SP3: variants seen among roughly 807,000 people sequenced by gnomAD.
SP3 encodes the protein Sp3 transcription factor.
In SP3, 10 loss-of-function variants were observed where a neutral mutation model predicts 70.3. The observed-to-expected ratio is 0.14, with a 90% CI of 0.09 to 0.24. The LOEUF (loss-of-function observed/expected upper bound fraction) is 0.24, where lower values mean the gene tolerates loss of function less well. Ranked by LOEUF, SP3 falls within the 10% of genes least tolerant of loss-of-function variation. SP3 has a pLI of 1.00. For missense variants in SP3, 825 were observed against 914.6 expected, an observed-to-expected ratio of 0.90 and a Z score of 1.26; for synonymous variants, 402 against 333.5, an observed-to-expected ratio of 1.21 and a Z score of -2.24.
intron 4 of SP3, among the ~76,000 whole-genome samples, chr2:173,931,388 G>A (rs923219939): frequency 6.6e-6 from 1 of 152,064 alleles, no homozygotes; most frequent in Non-Finnish European, 1.5e-5. Context: ...CTGTTTCCCA[G>A]GCTGGAGTGC....
At position 173,954,939 on chromosome 2, in the gene SP3, T is replaced by C. The variant is rs1275953055; in HGVS notation, c.1573A>G (p.Thr525Ala). The C allele has an allele frequency of 6.2e-7, 1 of 1,614,202 alleles. No homozygotes were observed. The highest frequency in any genetic ancestry group is 1.7e-5 in the Admixed American group (1 of 60,022). Reference sequence around the variant, plus strand: ...CCAGCAGAATCTATAGAGTTCACTGTAACTGTTTGTAGATTTGGCAACTGA... The same window carrying C: ...CCAGCAGAATCTATAGAGTTCACTGCAACTGTTTGTAGATTTGGCAACTGA... ...TGQLPNLQTV[T>A]VNSIDSAGIQ... The change falls in exon 4 of 7, where the codon ACA becomes GCA. Residue 525 changes from threonine (T) to alanine (A), a missense_variant. By Grantham distance (58) the Thr-to-Ala change is moderately conservative. Around this residue, in one of 4 missense-constraint regions of SP3, gnomAD observed 678 missense variants for 651.6 expected, o/e 1.04. Coordinates refer to ENST00000310015, the MANE Select transcript of SP3 (RefSeq NM_003111.5).
chr2:173,953,752 A>G (rs1559107519), intron 4 of SP3, among the ~76,000 whole-genome samples: 1 of 149,070 alleles, frequency 6.7e-6, no homozygotes, highest in Non-Finnish European at 1.5e-5. Context: ...TGTGTGACAG[A>G]GCGAGACTCC....
Position 173,904,760 on chromosome 2 carries a change from G to GT in SP3, c.*5180dup, listed in dbSNP as rs536977769. Among the ~76,000 whole-genome samples the GT allele has an allele frequency of 3.9e-5, 6 of 152,350 alleles. No individual in the cohort carries two copies. In the East Asian group the frequency reaches 7.7e-4, roughly 20 times the overall value. On this transcript the variant is annotated 3_prime_UTR_variant, in exon 7 of 7. Coordinates refer to ENST00000310015, the MANE Select transcript of SP3 (RefSeq NM_003111.5). ...AGAAAGTAATGCTCAGAGAAGGGAT[G>GT]TAAGTCGGACAGATATCCTAAAAGG...
intron 4 of SP3, 76 bp downstream of exon 4, chr2:173,954,797 A>AAT: frequency 5.8e-6 from 8 of 1,369,684 alleles, no homozygotes; most frequent in Non-Finnish European, 8.1e-6. Flanking sequence ...GATGCTGATA[A>AAT]ATACCTAAAG....
At chr2:173,925,875 C>T (rs1689896723) in intron 4 of SP3, among the ~76,000 whole-genome samples, 1 of 152,042 alleles carries the variant, frequency 6.6e-6, no homozygotes, top group South Asian at 2.1e-4. Context: ...TAAAATAGTA[C>T]ACACACAAAA....
intron 4 of SP3, among the ~76,000 whole-genome samples, chr2:173,953,495 G>C (rs1031924327): frequency 6.7e-6 from 1 of 150,222 alleles, no homozygotes; most frequent in Admixed American, 7.0e-5. Flanking sequence ...TGTAATCCCA[G>C]CACTTTGGGA....
intron 5 of SP3, among the ~76,000 whole-genome samples, chr2:173,917,605 G>C (rs1406850545): frequency 6.6e-6 from 1 of 152,060 alleles, no homozygotes; most frequent in African/African-American, 2.4e-5. Context: ...GATCAAGTTT[G>C]TTAACTCTAT....
At chr2:173,963,703 C>T in intron 3 of SP3, 58 bp downstream of exon 3, 1 of 686,020 alleles carries the variant, frequency 1.5e-6, no homozygotes, top group Non-Finnish European at 1.8e-6. Flanking sequence ...AGGCGCGCCA[C>T]GGGTCCGGGA....
chr2:173,936,093 T>C (rs943447749), intron 4 of SP3, among the ~76,000 whole-genome samples: 1 of 152,194 alleles, frequency 6.6e-6, no homozygotes, highest in African/African-American at 2.4e-5. Flanking sequence ...AGTGGCACAA[T>C]GTCAGCTCAC....
Position 173,905,677 on chromosome 2 carries a change from G to GAA in SP3, c.*4262_*4263dup, listed in dbSNP as rs749315831. Among the ~76,000 whole-genome samples, 7 of 146,406 alleles carry GAA rather than the reference G, an allele frequency of 4.8e-5. No homozygotes were observed. Among genetic ancestry groups the GAA allele is most frequent in the South Asian group, 2.2e-4 (1 of 4,636 alleles). On this transcript the variant is annotated 3_prime_UTR_variant, in exon 7 of 7. Coordinates refer to ENST00000310015, the MANE Select transcript of SP3 (RefSeq NM_003111.5). Reference sequence around the variant, plus strand: ...TAACATCAAATAAAAGCCAACATGGGAAAAAAAAAAACCTTGTATACCCTT... The same window carrying GAA: ...TAACATCAAATAAAAGCCAACATGGGAAAAAAAAAAAAACCTTGTATACCCTT...
chr2:173,923,614 T>C (rs980144295), intron 4 of SP3, among the ~76,000 whole-genome samples: 17 of 152,156 alleles, frequency 1.1e-4, no homozygotes, highest in African/African-American at 3.9e-4. Context: ...ATTAGATAAA[T>C]ATGAATTACA....
intron 3 of SP3, among the ~76,000 whole-genome samples, chr2:173,957,460 A>C (rs1690932947): frequency 6.6e-6 from 1 of 152,166 alleles, no homozygotes; most frequent in Admixed American, 6.5e-5. Flanking sequence ...GTAGTCAGTT[A>C]AAAAAGAGGC....
intron 4 of SP3, among the ~76,000 whole-genome samples, chr2:173,928,282 G>A (rs1036612420): frequency 6.6e-6 from 1 of 152,202 alleles, no homozygotes; most frequent in Admixed American, 6.5e-5. Flanking sequence ...AAACTGTTAA[G>A]TGTCAGCAGA....
intron 5 of SP3, chr2:173,914,421 T>G (rs1689574772): frequency 1.3e-5 from 2 of 151,956 alleles, no homozygotes; most frequent in African/African-American, 4.8e-5. Flanking sequence ...ACTGGAAAAA[T>G]GCATATTTCC....
intron 4 of SP3, among the ~76,000 whole-genome samples, chr2:173,935,468 CAG>C (rs1400033082): frequency 6.6e-6 from 1 of 152,138 alleles, no homozygotes; most frequent in Non-Finnish European, 1.5e-5. Context: ...TGCCAAATGT[CAG>C]GGGAAAGAGA....
In SP3 at chr2:173,964,297, G is replaced by A. The variant is rs1691201014; in HGVS notation, c.156+108C>T. 5.3e-6 allele frequency: 3 copies of A among 566,248 alleles called. No homozygotes were observed. The East Asian group carries it at 1.0e-4, about 19-fold the overall frequency. The allele number at this position is 566,248 out of a possible 1,614,324, so 35.1% of individuals were successfully genotyped here. On this transcript the variant is annotated intron_variant, in intron 2 of 6. Coordinates refer to ENST00000310015, the MANE Select transcript of SP3 (RefSeq NM_003111.5). ...GGGGCGGGGGGAGGGGAGTGGAGGG[G>A]AGGGGAGAGACGAGGAGGGAGGGGT...
intron 4 of SP3, among the ~76,000 whole-genome samples, chr2:173,921,906 C>CT (rs1002087313): frequency 2.0e-5 from 3 of 152,182 alleles, no homozygotes; most frequent in Admixed American, 1.3e-4. Context: ...CCCTCCTACT[C>CT]TTTCTCTGTC....
intron 4 of SP3, among the ~76,000 whole-genome samples, chr2:173,933,443 CTAT>C (rs1248123007): frequency 1.3e-5 from 2 of 151,656 alleles, no homozygotes; most frequent in Non-Finnish European, 2.9e-5. Context: ...AAACAAAGGT[CTAT>C]TTTTTATTCA....
rs937436641 is a variant in SP3, at chr2:173,901,812, G to A, written c.*8129C>T. ...TGCCTCCTGCGTTCAAGCGATTCTC[G>A]TGCCTCAGCCTCCCGAGTAGCTGGG... On this transcript the variant is annotated 3_prime_UTR_variant, in exon 7 of 7. Coordinates refer to ENST00000310015, the MANE Select transcript of SP3 (RefSeq NM_003111.5). Among the ~76,000 whole-genome samples, 3 of 146,048 alleles carry A rather than the reference G, an allele frequency of 2.1e-5. No homozygotes were observed. The highest frequency in any genetic ancestry group is 4.5e-5 in the Non-Finnish European group (3 of 67,292).
Sources: gnomAD v4.1 joint callset for allele counts (sites outside exome capture counted in the v4.1 genomes callset) on GRCh38, gnomAD v4.1.1 for gene constraint, gnomAD v4.1.1 regional missense constraint, MANE v1.5 for transcripts, NCBI Gene and HGNC (gene_info 2026-07-23, HGNC 2026-07-21) for gene names.